The following INO80D variants were observed in gnomAD, a reference collection of about 807,000 sequenced individuals.
INO80D encodes the protein INO80 complex subunit D.
Under a neutral mutation model 87.6 loss-of-function variants are expected in INO80D, and 21 were observed. That is an observed-to-expected ratio of 0.24 (90% CI 0.17 to 0.35). The LOEUF is 0.35. Ranked by LOEUF, INO80D falls within the 10% of genes least tolerant of loss-of-function variation. The pLI is 1.00. For missense variants in INO80D, 982 were observed against 1,280.7 expected (o/e 0.77, Z 3.56); for synonymous variants, 440 against 491.0 (o/e 0.90, Z 1.37).
intron 1 of INO80D, among the ~76,000 whole-genome samples, chr2:206,081,208 A>G (rs374160983): frequency 6.6e-6 from 1 of 152,220 alleles, no homozygotes; most frequent in East Asian, 1.9e-4. Flanking sequence ...TTTAACCAAT[A>G]CAAAACGACA....
At chr2:206,034,143 A>G (rs780670458) in intron 5 of INO80D, among the ~76,000 whole-genome samples, 4 of 152,186 alleles carry the variant, frequency 2.6e-5, no homozygotes, top group Non-Finnish European at 4.4e-5. Context: ...GATCAGACTT[A>G]TTCACAGCAG....
chr2:206,044,997 C>A (rs572734897), intron 5 of INO80D, among the ~76,000 whole-genome samples: 2 of 152,110 alleles, frequency 1.3e-5, no homozygotes, highest in Admixed American at 6.6e-5. Context: ...TAAAATGGAA[C>A]CTCAGTGTAA....
At chr2:206,078,018 A>C (rs142777798) in intron 1 of INO80D, among the ~76,000 whole-genome samples, 318 of 136,954 alleles carry the variant, frequency 2.3e-3, no homozygotes, top group African/African-American at 8.1e-3. Flanking sequence ...ATTCTTTGGC[A>C]TACTTTGCTC....
intron 6 of INO80D, among the ~76,000 whole-genome samples, chr2:206,027,585 TC>T (rs1317383327): frequency 6.6e-6 from 1 of 152,050 alleles, no homozygotes; most frequent in African/African-American, 2.4e-5. Context: ...ATGCCTATAG[TC>T]CCAGCTACTC....
rs759356199 is a variant in INO80D, at chr2:206,004,399, T to C, written c.3053A>G (p.Asn1018Ser). Residue 1018 changes from asparagine to serine, a missense_variant, in exon 11 of 11, where the codon AAT (asparagine) becomes AGT (serine). Asn to Ser is a conservative substitution (Grantham distance 46). Transcript: ENST00000403263. The surrounding 1 kb of genome is among the most constrained non-coding windows in gnomAD (Gnocchi z 4.9). The part of the protein sequence containing the change: ...VTGATATSTN[N>S]ASSPFPSPN ...AGGGGAGGGAAAGGGAGAAGATGCA[T>C]TATTGGTACTTGTAGCTGTGGCACC... is the stretch of plus-strand genomic sequence containing the variant. 1.4e-5 allele frequency: 22 copies of C among 1,600,596 alleles called. No homozygotes were observed. The African/African-American group carries it at 2.4e-4, about 18-fold the overall frequency.
chr2:206,052,634 A>C (rs943913919), intron 4 of INO80D, among the ~76,000 whole-genome samples: 1 of 151,098 alleles, frequency 6.6e-6, no homozygotes, highest in African/African-American at 2.4e-5. Flanking sequence ...AAAAAATCTG[A>C]AAAAAAAATT....
intron 1 of INO80D, among the ~76,000 whole-genome samples, chr2:206,065,763 A>G (rs890185361): frequency 6.6e-6 from 1 of 152,214 alleles, no homozygotes; most frequent in Non-Finnish European, 1.5e-5. Flanking sequence ...AAGGCATACA[A>G]ATGGCTAACA....
rs1391338194 is a variant in INO80D, at chr2:205,996,530, T to G, written c.*7838A>C. On this transcript the variant is annotated 3_prime_UTR_variant, in exon 11 of 11. Coordinates refer to ENST00000403263, the MANE Select transcript of INO80D (RefSeq NM_017759.5). ...TCACCTCCTCTGGCTTACAGAATAA[T>G]CCAGAACTTTCCATAGACATTAATC... 3 of 152,148 alleles carry G rather than the reference T, an allele frequency of 2.0e-5. No individual in the cohort carries two copies. In the East Asian group the frequency reaches 5.8e-4, roughly 29 times the overall value. The allele number at this position is 152,148 out of a possible 1,614,324, so 9.4% of individuals were successfully genotyped here. A position where few individuals can be genotyped will look rare whatever the true frequency, so the allele number is the denominator to read the frequency against.
At chr2:206,009,462 A>T in intron 9 of INO80D, 115 bp downstream of exon 9, 1 of 818,368 alleles carries the variant, frequency 1.2e-6, no homozygotes, top group South Asian at 2.0e-5. Flanking sequence ...CTAGGCTGAT[A>T]TACTAAATGG....
chr2:206,038,803 A>AAAAC (rs950706664), intron 5 of INO80D, among the ~76,000 whole-genome samples: 1 of 152,182 alleles, frequency 6.6e-6, no homozygotes, highest in African/African-American at 2.4e-5. Flanking sequence ...CCTGTCTCAG[A>AAAAC]AAACAAACAA....
At chr2:206,017,527 T>C (rs1688350854) in intron 8 of INO80D, among the ~76,000 whole-genome samples, 153 bp downstream of exon 8, 1 of 152,222 alleles carries the variant, frequency 6.6e-6, no homozygotes, top group African/African-American at 2.4e-5. Context: ...GATACATATC[T>C]TAAGGTAATA....
At position 206,009,613 on chromosome 2, in the gene INO80D, G is replaced by C; in HGVS notation, c.1724C>G (p.Ala575Gly). 1 of 1,613,754 alleles carries C rather than the reference G, an allele frequency of 6.2e-7. No homozygotes were observed. Among genetic ancestry groups the C allele is most frequent in the Non-Finnish European group, 8.5e-7 (1 of 1,179,806 alleles). Reference sequence around the variant, plus strand: ...GGCCTCCACTGGCAGTGAGACGCTGGCGGGCATGCTGAGGTTCCCTTGGGG... The same window carrying C: ...GGCCTCCACTGGCAGTGAGACGCTGCCGGGCATGCTGAGGTTCCCTTGGGG... The part of the protein sequence containing the change: ...AVPQGNLSMP[A>G]SVSLPVEASH... Residue 575 changes from alanine (A) to glycine (G), a missense_variant, in exon 9 of 11, where the codon GCC becomes GGC. Ala to Gly is a moderately conservative substitution (Grantham distance 60). Transcript: ENST00000403263.
intron 1 of INO80D, among the ~76,000 whole-genome samples, chr2:206,074,388 C>A (rs931664619): frequency 6.6e-6 from 1 of 151,950 alleles, no homozygotes; most frequent in East Asian, 1.9e-4. Context: ...CCAAGACAGG[C>A]GGATCACCTG....
intron 5 of INO80D, among the ~76,000 whole-genome samples, chr2:206,042,247 A>T (rs1689069869): frequency 6.6e-6 from 1 of 152,148 alleles, no homozygotes; most frequent in Non-Finnish European, 1.5e-5. Context: ...TTAGAAAACA[A>T]TAAAGATCTC....
At chr2:206,019,938 T>C in intron 6 of INO80D, 93 bp from the exon 7 acceptor site, 1 of 808,454 alleles carries the variant, frequency 1.2e-6, no homozygotes, top group South Asian at 1.6e-5. Flanking sequence ...TGTAACACTC[T>C]CATTATAATA....
chr2:206,049,821 T>A (rs1689299801), intron 4 of INO80D, among the ~76,000 whole-genome samples: 1 of 152,260 alleles, frequency 6.6e-6, no homozygotes. Flanking sequence ...GCCTCTAATA[T>A]GTTTGCATTT....
intron 5 of INO80D, among the ~76,000 whole-genome samples, chr2:206,039,507 A>G (rs1688980397): frequency 6.6e-6 from 1 of 151,678 alleles, no homozygotes; most frequent in Non-Finnish European, 1.5e-5. Context: ...TAATAAATAA[A>G]CTCTTACAAA....
chr2:206,065,417 C>T (rs1309841548), intron 1 of INO80D, among the ~76,000 whole-genome samples: 2 of 151,796 alleles, frequency 1.3e-5, no homozygotes, highest in Admixed American at 6.6e-5. Flanking sequence ...TGCAGTGAGC[C>T]GAGATCACGC....
intron 2 of INO80D, 22 bp from the exon 3 acceptor site, chr2:206,063,067 AG>A (rs1303018543): frequency 5.5e-6 from 7 of 1,264,046 alleles, no homozygotes; most frequent in Non-Finnish European, 7.9e-6. Context: ...CCACAAAAAA[AG>A]AAACCCAAAT....
Sources: gnomAD v4.1 joint callset for allele counts (sites outside exome capture counted in the v4.1 genomes callset) on GRCh38, gnomAD v4.1.1 for gene constraint, Gnocchi (gnomAD v3.1) non-coding constraint, MANE v1.5 for transcripts, NCBI Gene and HGNC (gene_info 2026-07-23, HGNC 2026-07-21) for gene names.